Variants in NTM observed in about 807,000 individuals in gnomAD.
NTM encodes the protein IgLON family member 2.
A neutral mutation model predicts 42.1 loss-of-function variants in NTM; 13 were observed. That is an observed-to-expected ratio of 0.31 (90% CI 0.20 to 0.49). NTM has a LOEUF of 0.49. Ranked by LOEUF, NTM falls within the 20% of genes least tolerant of loss-of-function variation. The probability of loss-of-function intolerance (pLI) is 0.99; values close to 1 mark genes in which losing one functional copy is unlikely to be tolerated. For missense variants in NTM, 373 were observed against 452.8 expected, an observed-to-expected ratio of 0.82 and a Z score of 1.60; for synonymous variants, 187 against 179.2, an observed-to-expected ratio of 1.04 and a Z score of -0.35.
chr11:131,707,908 T>C (rs2076745532), intron 1 of NTM, among the ~76,000 whole-genome samples: 1 of 152,054 alleles, frequency 6.6e-6, no homozygotes. Flanking sequence ...GGACTGAAAG[T>C]TTTAGACAGA....
At chr11:131,789,955 CAAAAAAAAAAAAAA>C (rs36050979) in intron 1 of NTM, among the ~76,000 whole-genome samples, 1 of 20,314 alleles carries the variant, frequency 4.9e-5, no homozygotes, top group Non-Finnish European at 1.3e-4. Flanking sequence ...GACTCCGTCT[CAAAAAAAAAAAAAA>C]AAAAAAAAAA....
chr11:132,313,748 T>TAATA (rs2136141727), intron 6 of NTM, among the ~76,000 whole-genome samples: 1 of 152,276 alleles, frequency 6.6e-6, no homozygotes, highest in African/African-American at 2.4e-5. Context: ...TCCATGGTTC[T>TAATA]AATAAGCATA....
rs58743597 is a variant in NTM at position 132,295,168 on chromosome 11, G to A, written c.527-12521G>A. 6.2e-3 allele frequency among the ~76,000 whole-genome samples: 937 copies of A among 151,636 alleles called. 7 individuals carry two copies. The highest frequency in any genetic ancestry group is 0.019 in the African/African-American group (803 of 41,330). On this transcript the variant is annotated intron_variant, in intron 4 of 8. Coordinates refer to ENST00000683400, the MANE Select transcript of NTM (RefSeq NM_001352005.2). ...AACACACACACACACAGACACACAC[G>A]AGAAAGAAAAACCTTAAAAAATATA... is the stretch of plus-strand genomic sequence containing the variant.
At chr11:132,118,487 C>T (rs1487034644) in intron 2 of NTM, among the ~76,000 whole-genome samples, 1 of 152,186 alleles carries the variant, frequency 6.6e-6, no homozygotes, top group Non-Finnish European at 1.5e-5. Context: ...GAGGTGTTTT[C>T]ATCGCAATCG....
chr11:132,311,000 G>A (rs1591919469), intron 6 of NTM, among the ~76,000 whole-genome samples: 3 of 152,174 alleles, frequency 2.0e-5, no homozygotes, highest in South Asian at 4.1e-4. Context: ...TGAAAAAGAG[G>A]TGGTGGTATA....
At chr11:131,900,147 C>T (rs113195775) in intron 1 of NTM, among the ~76,000 whole-genome samples, 85 of 152,276 alleles carry the variant, frequency 5.6e-4, no homozygotes, top group African/African-American at 1.7e-3. Flanking sequence ...CAGTCAGAAC[C>T]GAGAAGGGTG....
intron 3 of NTM, among the ~76,000 whole-genome samples, chr11:132,172,577 G>A (rs539093509): frequency 1.5e-3 from 231 of 152,218 alleles, no homozygotes; most frequent in African/African-American, 4.7e-3. Flanking sequence ...ATAATTAAAA[G>A]CCAAAAAAGT....
chr11:132,311,497 A>G (rs1206550912), intron 6 of NTM, among the ~76,000 whole-genome samples: 2 of 152,206 alleles, frequency 1.3e-5, no homozygotes, highest in South Asian at 2.1e-4. Context: ...TTCTTCCAAG[A>G]AAGAAGAATC....
chr11:131,561,536 A>G (rs2137001871), intron 1 of NTM, among the ~76,000 whole-genome samples: 1 of 152,324 alleles, frequency 6.6e-6, no homozygotes, highest in African/African-American at 2.4e-5. Context: ...GCCAAACCCA[A>G]CCAAGGCAAA....
intron 1 of NTM, chr11:131,767,017 T>A (rs1022960599): frequency 3.8e-6 from 1 of 265,436 alleles, no homozygotes; most frequent in African/African-American, 2.3e-5. Flanking sequence ...TTTAAATTAT[T>A]CACTAATATA....
At chr11:132,050,456 T>C (rs1023575938) in intron 2 of NTM, among the ~76,000 whole-genome samples, 6 of 152,208 alleles carry the variant, frequency 3.9e-5, no homozygotes, top group African/African-American at 1.2e-4. Context: ...GGGCAAATGA[T>C]TTTTTTGTAT....
intron 2 of NTM, among the ~76,000 whole-genome samples, chr11:131,994,017 A>AAAGAAG (rs58021603): frequency 1.5e-4 from 21 of 137,996 alleles, no homozygotes; most frequent in Admixed American, 4.4e-4. Context: ...AAAAAAAAAA[A>AAAGAAG]AAGAAGAAGA....
chr11:131,616,439 A>G (rs1417101991), intron 1 of NTM, among the ~76,000 whole-genome samples: 2 of 152,208 alleles, frequency 1.3e-5, no homozygotes, highest in Non-Finnish European at 2.9e-5. Flanking sequence ...CAATTTGACA[A>G]CGAGGTGAAA....
chr11:131,968,833 A>T (rs1156308138), intron 2 of NTM, among the ~76,000 whole-genome samples: 1 of 152,108 alleles, frequency 6.6e-6, no homozygotes, highest in Non-Finnish European at 1.5e-5. Context: ...CACCCCCTTA[A>T]TTCTCCTGAT....
chr11:131,453,099 C>T (rs1489749354), intron 1 of NTM, among the ~76,000 whole-genome samples: 2 of 152,202 alleles, frequency 1.3e-5, no homozygotes, highest in Non-Finnish European at 2.9e-5. Context: ...CTTTCTGAAT[C>T]TCTAAGTCCT....
chr11:132,265,018 G>A lies in NTM; in HGVS notation c.527-42671G>A, dbSNP rs117092131. On this transcript the variant is annotated intron_variant, in intron 4 of 8. Transcript: ENST00000683400. The stretch of plus-strand genomic sequence containing the variant: ...TCAACATATGAATTTGGGGATGAAG[G>A]TTCCACCACATGGAATTTGAAGGAC... Among the ~76,000 whole-genome samples the A allele has an allele frequency of 2.3e-3, 355 of 152,266 alleles. 4 individuals are homozygous for A. The East Asian group carries it at 0.029, about 12-fold the overall frequency.
chr11:131,420,920 C>T (rs935153126), intron 1 of NTM, among the ~76,000 whole-genome samples: 3 of 152,106 alleles, frequency 2.0e-5, no homozygotes, highest in Non-Finnish European at 4.4e-5. Context: ...CTCTGCTTCA[C>T]GCAGACCACA....
At chr11:132,195,194 C>A (rs138684914) in intron 3 of NTM, among the ~76,000 whole-genome samples, 1 of 151,856 alleles carries the variant, frequency 6.6e-6, no homozygotes, top group East Asian at 1.9e-4. Context: ...ATCTCAATTA[C>A]GATAGCCACA....
intron 1 of NTM, among the ~76,000 whole-genome samples, chr11:131,387,919 G>T (rs569429275): frequency 6.6e-6 from 1 of 152,216 alleles, no homozygotes; most frequent in Non-Finnish European, 1.5e-5. Flanking sequence ...AGAGAAAGGA[G>T]TCTGTGACAT....
Sources: gnomAD v4.1 joint callset for allele counts (sites outside exome capture counted in the v4.1 genomes callset) on GRCh38, gnomAD v4.1.1 for gene constraint, MANE v1.5 for transcripts, NCBI Gene and HGNC (gene_info 2026-07-23, HGNC 2026-07-21) for gene names.